Variants in GRIP1 observed in about 807,000 individuals in gnomAD.
The protein encoded by GRIP1 is glutamate receptor-interacting protein 1.
In GRIP1, 45 loss-of-function variants were observed where a neutral mutation model predicts 129.9. That is an observed-to-expected ratio of 0.35 (90% CI 0.27 to 0.44). The LOEUF (loss-of-function observed/expected upper bound fraction) is 0.44, where lower values mean the gene tolerates loss of function less well. Among genes scored for constraint, GRIP1 ranks in the 20% least tolerant of loss-of-function variants. The pLI, the probability that GRIP1 is intolerant of heterozygous loss-of-function variation, is 1.00. For missense variants in GRIP1, 1,196 were observed against 1,396.8 expected, an observed-to-expected ratio of 0.86 and a Z score of 2.29; for synonymous variants, 530 against 520.8, an observed-to-expected ratio of 1.02 and a Z score of -0.24.
At chr12:66,918,373 G>A (rs1276824722) in intron 1 of GRIP1, among the ~76,000 whole-genome samples, 2 of 152,150 alleles carry the variant, frequency 1.3e-5, no homozygotes, top group African/African-American at 4.8e-5. Context: ...CCACATTAGG[G>A]AGGGCCATCT....
At chr12:66,492,106 G>A (rs1432384700) in intron 7 of GRIP1, among the ~76,000 whole-genome samples, 1 of 151,942 alleles carries the variant, frequency 6.6e-6, no homozygotes, top group Non-Finnish European at 1.5e-5. Flanking sequence ...AAGAGTTAAT[G>A]GCTCAACAGC....
At chr12:66,576,140 T>C (rs1394028914) in intron 2 of GRIP1, among the ~76,000 whole-genome samples, 1 of 152,198 alleles carries the variant, frequency 6.6e-6, no homozygotes, top group Non-Finnish European at 1.5e-5. Context: ...ATTATACCAC[T>C]GAAGAATAAG....
intron 2 of GRIP1, among the ~76,000 whole-genome samples, chr12:66,577,851 T>C (rs913401792): frequency 7.2e-5 from 11 of 152,108 alleles, no homozygotes; most frequent in Admixed American, 2.6e-4. Flanking sequence ...GCTACTCGGA[T>C]GCTGAAGTGA....
chr12:66,712,304 C>T (rs1192543352), intron 1 of GRIP1, among the ~76,000 whole-genome samples: 3 of 151,836 alleles, frequency 2.0e-5, no homozygotes, highest in African/African-American at 7.3e-5. Flanking sequence ...CTAATATTCT[C>T]AAGACTCATA....
intron 5 of GRIP1, among the ~76,000 whole-genome samples, chr12:66,526,093 G>A (rs1191362905): frequency 6.6e-6 from 1 of 152,034 alleles, no homozygotes. Flanking sequence ...CGTGAAAATG[G>A]CCATACTGCC....
intron 1 of GRIP1, among the ~76,000 whole-genome samples, chr12:67,027,381 T>C (rs1167601434): frequency 6.6e-6 from 1 of 152,228 alleles, no homozygotes; most frequent in Non-Finnish European, 1.5e-5. Flanking sequence ...GTACCTTACG[T>C]AGCTGTTGAA....
intron 2 of GRIP1, among the ~76,000 whole-genome samples, chr12:66,558,867 A>T (rs1275633594): frequency 6.6e-6 from 1 of 152,092 alleles, no homozygotes; most frequent in African/African-American, 2.4e-5. Flanking sequence ...CCAAACAAAG[A>T]CACATGAAAA....
intron 1 of GRIP1, among the ~76,000 whole-genome samples, chr12:66,924,430 G>GATGT (rs1206823109): frequency 6.6e-6 from 1 of 152,198 alleles, no homozygotes; most frequent in Non-Finnish European, 1.5e-5. Flanking sequence ...GAGAGACAGA[G>GATGT]ATGTGTCTGT....
chr12:66,565,070 G>T (rs951086626), intron 2 of GRIP1, among the ~76,000 whole-genome samples: 10 of 152,302 alleles, frequency 6.6e-5, no homozygotes, highest in African/African-American at 4.8e-5. Context: ...CCATTCTGTA[G>T]GTTGCTGGTT....
intron 5 of GRIP1, among the ~76,000 whole-genome samples, chr12:66,521,936 C>A (rs796450570): frequency 3.9e-5 from 6 of 152,266 alleles, no homozygotes; most frequent in Admixed American, 3.3e-4. Context: ...AACTGCAAGG[C>A]GGCAGTGAGG....
chr12:66,499,634 G>T (rs991043894), intron 7 of GRIP1, among the ~76,000 whole-genome samples: 2 of 152,078 alleles, frequency 1.3e-5, no homozygotes, highest in Admixed American at 1.3e-4. Context: ...ACTATAGGAA[G>T]CATCTAAAAA....
rs576172924 is a variant in GRIP1 at position 67,047,308 on chromosome 12, T to C, written c.58+21742A>G. Among the ~76,000 whole-genome samples the C allele has an allele frequency of 5.9e-5, 9 of 152,316 alleles. No homozygotes were observed. In the East Asian group the frequency reaches 1.7e-3, roughly 29 times the overall value. ...TACTAACTTAAAAAACACATTCTTA[T>C]TATAGAAAATTTGAGACACAGCAAA... On this transcript the variant is annotated intron_variant, in intron 1 of 1. Coordinates refer to the GRIP1 transcript ENST00000643019.
intron 1 of GRIP1, among the ~76,000 whole-genome samples, chr12:66,836,861 T>C (rs2039623282): frequency 1.3e-5 from 2 of 152,304 alleles, no homozygotes; most frequent in East Asian, 3.9e-4. Context: ...AAGAGGAGGA[T>C]GTTTAGAGCT....
intron 1 of GRIP1, among the ~76,000 whole-genome samples, chr12:66,801,697 A>T (rs1459806519): frequency 6.6e-6 from 1 of 152,072 alleles, no homozygotes; most frequent in Admixed American, 6.6e-5. Flanking sequence ...ACACATACAA[A>T]GTTCTTGTGG....
At chr12:67,044,183 G>A (rs1421203960) in intron 1 of GRIP1, among the ~76,000 whole-genome samples, 2 of 152,144 alleles carry the variant, frequency 1.3e-5, no homozygotes, top group Non-Finnish European at 2.9e-5. Flanking sequence ...TCATTCCCAG[G>A]GGGATATAGA....
chr12:66,507,161 A>G (rs1017964704), intron 7 of GRIP1, among the ~76,000 whole-genome samples: 4 of 152,328 alleles, frequency 2.6e-5, no homozygotes, highest in African/African-American at 4.8e-5. Context: ...AGTATGGGCC[A>G]TGCGTGGTGG....
chr12:66,920,616 C>T (rs2041197767), intron 1 of GRIP1, among the ~76,000 whole-genome samples: 1 of 152,184 alleles, frequency 6.6e-6, no homozygotes, highest in South Asian at 2.1e-4. Context: ...ATAACCTCTT[C>T]CCCACCAGGT....
intron 1 of GRIP1, among the ~76,000 whole-genome samples, chr12:66,861,010 T>C (rs993864602): frequency 6.6e-6 from 1 of 152,062 alleles, no homozygotes; most frequent in African/African-American, 2.4e-5. Flanking sequence ...CCCAGGATAA[T>C]ATCAGTGTGG....
intron 16 of GRIP1, among the ~76,000 whole-genome samples, chr12:66,396,172 T>A (rs1290206237): frequency 6.6e-6 from 1 of 152,228 alleles, no homozygotes; most frequent in Admixed American, 6.5e-5. Flanking sequence ...TGGAGGTGTG[T>A]ATGCCATAGG....
Sources: gnomAD v4.1 joint callset for allele counts (sites outside exome capture counted in the v4.1 genomes callset) on GRCh38, gnomAD v4.1.1 for gene constraint, MANE v1.5 for transcripts, NCBI Gene and HGNC (gene_info 2026-07-23, HGNC 2026-07-21) for gene names.